AGBL4: variants seen among roughly 807,000 people sequenced by gnomAD.
The protein encoded by AGBL4 is AGBL carboxypeptidase 4, also known as cytosolic carboxypeptidase 6.
Under a neutral mutation model 66.4 loss-of-function variants are expected in AGBL4, and 58 were observed. That is an observed-to-expected ratio of 0.87 (90% CI 0.71 to 1.09). AGBL4 has a LOEUF of 1.09. Among genes scored for constraint, AGBL4 ranks in the 50% least tolerant of loss-of-function variants. The pLI is 0.00. For synonymous variants in AGBL4, 234 were observed against 222.9 expected (o/e 1.05, Z -0.44); for missense variants, 579 against 631.0 (o/e 0.92, Z 0.88).
Position 48,846,359 on chromosome 1 carries a change from A to AAAG in AGBL4, c.634+20829_634+20831dup, listed in dbSNP as rs756438526. Among the ~76,000 whole-genome samples the AAAG allele has an allele frequency of 3.5e-3, 482 of 137,864 alleles. 2 individuals carry two copies. The highest frequency in any genetic ancestry group is 0.012 in the African/African-American group (449 of 36,892). 90.4% of individuals were successfully genotyped at this position (137,864 alleles called of 152,430 possible). Reference sequence around the variant, plus strand: ...AAGAAAAAGAAAAGAAAGGAGAAAGAAAGAAGAAAGAAAGAAAGAAAGAAA... The same window carrying AAAG: ...AAGAAAAAGAAAAGAAAGGAGAAAGAAAGAAGAAGAAAGAAAGAAAGAAAGAAA... On this transcript the variant is annotated intron_variant, in intron 6 of 13. Coordinates refer to ENST00000371839, the MANE Select transcript of AGBL4 (RefSeq NM_032785.4).
chr1:48,766,959 C>T (rs1644561970), intron 6 of AGBL4, among the ~76,000 whole-genome samples: 2 of 152,200 alleles, frequency 1.3e-5, no homozygotes, highest in Admixed American at 6.5e-5. Flanking sequence ...GGTGTGACTT[C>T]GTGAGAGACA....
chr1:49,935,931 T>C (rs890245003), intron 1 of AGBL4, among the ~76,000 whole-genome samples: 7 of 152,014 alleles, frequency 4.6e-5, no homozygotes, highest in African/African-American at 1.5e-4. Context: ...GCAGAGCGCC[T>C]CTCCACCTCC....
chr1:49,250,917 G>A (rs1467687685), intron 3 of AGBL4, among the ~76,000 whole-genome samples: 2 of 152,176 alleles, frequency 1.3e-5, no homozygotes, highest in African/African-American at 4.8e-5. Flanking sequence ...GGAGCTCACA[G>A]GGTTTGGTGC....
chr1:48,837,523 C>T (rs1003519591), intron 6 of AGBL4, among the ~76,000 whole-genome samples: 2 of 151,746 alleles, frequency 1.3e-5, no homozygotes, highest in East Asian at 1.9e-4. Context: ...ACATCTTTCT[C>T]CCATGCTGGA....
intron 1 of AGBL4, among the ~76,000 whole-genome samples, chr1:50,006,292 T>C (rs1661123400): frequency 6.6e-6 from 1 of 150,696 alleles, no homozygotes; most frequent in African/African-American, 2.5e-5. Flanking sequence ...TGAGCCAAGA[T>C]TGCGCCACTG....
intron 3 of AGBL4, among the ~76,000 whole-genome samples, chr1:49,671,599 A>G (rs1371555266): frequency 6.6e-6 from 1 of 152,222 alleles, no homozygotes; most frequent in African/African-American, 2.4e-5. Flanking sequence ...ACAAAGGTCT[A>G]AAATCCAGCA....
At chr1:49,653,644 T>A (rs1030561092) in intron 3 of AGBL4, among the ~76,000 whole-genome samples, 1 of 150,316 alleles carries the variant, frequency 6.7e-6, no homozygotes, top group Non-Finnish European at 1.5e-5. Flanking sequence ...CTGACGGAGC[T>A]GAAAAACACA....
chr1:49,015,688 T>G (rs1044145858), intron 5 of AGBL4, among the ~76,000 whole-genome samples: 27 of 151,902 alleles, frequency 1.8e-4, no homozygotes, highest in Non-Finnish European at 2.9e-5. Context: ...CCTCCTAAAG[T>G]GCTGGGATTA....
intron 1 of AGBL4, among the ~76,000 whole-genome samples, chr1:49,913,692 T>C (rs951446810): frequency 5.9e-5 from 9 of 152,276 alleles, no homozygotes; most frequent in Non-Finnish European, 1.2e-4. Context: ...CCTGGGCAAC[T>C]AGGCTATTTG....
chr1:49,027,284 C>A (rs562668894), intron 5 of AGBL4, among the ~76,000 whole-genome samples: 1 of 152,098 alleles, frequency 6.6e-6, no homozygotes, highest in East Asian at 1.9e-4. Context: ...CCTAAGCTTC[C>A]CGAGTAGCTG....
chr1:49,841,821 C>A, intron 2 of AGBL4: 1 of 377,262 alleles, frequency 2.7e-6, no homozygotes, highest in South Asian at 3.2e-5. Flanking sequence ...AAAATCCCAC[C>A]GGCACCACGG....
intron 3 of AGBL4, among the ~76,000 whole-genome samples, chr1:49,514,765 T>C (rs1300654468): frequency 6.6e-6 from 1 of 151,936 alleles, no homozygotes; most frequent in Non-Finnish European, 1.5e-5. Context: ...TTGACAAACC[T>C]GACAAAAACA....
chr1:49,797,163 C>T (rs974618475), intron 2 of AGBL4, among the ~76,000 whole-genome samples: 1 of 151,980 alleles, frequency 6.6e-6, no homozygotes, highest in African/African-American at 2.4e-5. Flanking sequence ...GTAAATCCTG[C>T]CAATTTCACA....
chr1:48,839,972 C>G (rs1181022129), intron 6 of AGBL4, among the ~76,000 whole-genome samples: 1 of 152,030 alleles, frequency 6.6e-6, no homozygotes, highest in African/African-American at 2.4e-5. Flanking sequence ...CTCTCTGGTC[C>G]CAGCCTTGGT....
chr1:49,904,961 A>C (rs1650127141), intron 1 of AGBL4, among the ~76,000 whole-genome samples: 1 of 152,180 alleles, frequency 6.6e-6, no homozygotes, highest in African/African-American at 2.4e-5. Context: ...TGCCTATAAA[A>C]AATTTTCTCT....
At chr1:49,104,791 G>A (rs1571458325) in intron 4 of AGBL4, among the ~76,000 whole-genome samples, 1 of 152,130 alleles carries the variant, frequency 6.6e-6, no homozygotes, top group Non-Finnish European at 1.5e-5. Context: ...TCTGAGAACA[G>A]TTTTTATAGT....
At chr1:48,911,206 C>T (rs916270034) in intron 5 of AGBL4, among the ~76,000 whole-genome samples, 2 of 152,180 alleles carry the variant, frequency 1.3e-5, no homozygotes, top group Admixed American at 6.5e-5. Context: ...GGCACTGGGA[C>T]TGAAAGAAGA....
At chr1:49,455,617 A>G (rs1646371070) in intron 3 of AGBL4, among the ~76,000 whole-genome samples, 1 of 151,668 alleles carries the variant, frequency 6.6e-6, no homozygotes, top group Non-Finnish European at 1.5e-5. Flanking sequence ...TGACCTCTCT[A>G]TGCTACTGTT....
chr1:49,557,417 C>T (rs974721929), intron 3 of AGBL4, among the ~76,000 whole-genome samples: 9 of 152,092 alleles, frequency 5.9e-5, no homozygotes, highest in Admixed American at 5.2e-4. Flanking sequence ...CTGACACCAC[C>T]ACACCCCCAC....
Sources: gnomAD v4.1 joint callset for allele counts (sites outside exome capture counted in the v4.1 genomes callset) on GRCh38, gnomAD v4.1.1 for gene constraint, MANE v1.5 for transcripts, NCBI Gene and HGNC (gene_info 2026-07-23, HGNC 2026-07-21) for gene names.